The following ITGA8 variants were observed in gnomAD, a reference collection of about 807,000 sequenced individuals.
ITGA8 encodes integrin subunit alpha 8, also known as integrin alpha-8.
A neutral mutation model predicts 142.3 loss-of-function variants in ITGA8; 91 were observed. The observed-to-expected ratio is 0.64, with a 90% CI of 0.54 to 0.76. The LOEUF (loss-of-function observed/expected upper bound fraction) is 0.76. ITGA8 is among the 30% of genes least tolerant of loss of function. The pLI is 0.00. For missense variants in ITGA8, 1,406 were observed against 1,327.7 expected (o/e 1.06, Z -0.92); for synonymous variants, 505 against 485.2 (o/e 1.04, Z -0.54).
chr10:15,694,594 G>A (rs1187431210), intron 2 of ITGA8, among the ~76,000 whole-genome samples: 3 of 120,978 alleles, frequency 2.5e-5, no homozygotes, highest in Admixed American at 9.5e-5. Context: ...TATATAAAAT[G>A]GATATATAAT....
chr10:15,573,631 CT>C (rs923505835), intron 24 of ITGA8, among the ~76,000 whole-genome samples: 3 of 152,050 alleles, frequency 2.0e-5, no homozygotes, highest in African/African-American at 4.8e-5. Context: ...CAGTTCATCA[CT>C]TTTGAAAAGG....
chr10:15,598,377 A>C (rs1471448103), intron 20 of ITGA8, among the ~76,000 whole-genome samples: 1 of 152,088 alleles, frequency 6.6e-6, no homozygotes, highest in Middle Eastern at 3.2e-3. Flanking sequence ...TATCTATTGA[A>C]ATTTTAGGTA....
At chr10:15,675,352 A>G (rs1167884021) in intron 6 of ITGA8, among the ~76,000 whole-genome samples, 2 of 152,164 alleles carry the variant, frequency 1.3e-5, no homozygotes, top group African/African-American at 2.4e-5. Flanking sequence ...ACCTACAGCC[A>G]TTCAGTAGCA....
intron 11 of ITGA8, among the ~76,000 whole-genome samples, chr10:15,647,280 A>T (rs571515941): frequency 1.3e-5 from 2 of 152,198 alleles, no homozygotes; most frequent in Non-Finnish European, 2.9e-5. Flanking sequence ...TATGTTAAAA[A>T]TGCTACTTTA....
intron 13 of ITGA8, among the ~76,000 whole-genome samples, chr10:15,633,327 G>T (rs1173475885): frequency 6.6e-6 from 1 of 152,086 alleles, no homozygotes; most frequent in Non-Finnish European, 1.5e-5. Context: ...AGAAGGTATG[G>T]TTAAAAAATT....
chr10:15,699,600 T>C (rs1030668688), intron 2 of ITGA8, among the ~76,000 whole-genome samples: 1 of 152,206 alleles, frequency 6.6e-6, no homozygotes, highest in Non-Finnish European at 1.5e-5. Flanking sequence ...TGGGTTTTTT[T>C]CCAGTTTTCC....
Position 15,703,671 on chromosome 10 carries a change from C to T in ITGA8, c.343+15095G>A, listed in dbSNP as rs560802417. ...TTGTACTGACTGAGACAACGTTGAC[C>T]TCATCTTCTGCAACTGACTTCACTA... is the stretch of plus-strand genomic sequence containing the variant. On this transcript the variant is annotated intron_variant, in intron 2 of 29. Transcript: ENST00000378076. Among the ~76,000 whole-genome samples, 37 of 152,194 alleles carry T rather than the reference C, an allele frequency of 2.4e-4. 1 individual carries two copies. The South Asian group carries it at 7.5e-3, about 31-fold the overall frequency.
rs200552166 is a variant in ITGA8, at chr10:15,519,283, A to G, written c.3105+7T>C. ...GTTTAAAAGGAAAACAAAGTAAATC[A>G]ACTTACCTTCCATAAAGCTAAGGTT... On this transcript the variant is annotated splice_region_variant and intron_variant, in intron 29 of 29. Coordinates refer to ENST00000378076, the MANE Select transcript of ITGA8 (RefSeq NM_003638.3). 26 of 1,613,278 alleles carry G rather than the reference A, an allele frequency of 1.6e-5. No individual in the cohort carries two copies. In the East Asian group the frequency reaches 2.7e-4, roughly 17 times the overall value.
At chr10:15,590,812 A>C (rs1429603616) in intron 22 of ITGA8, among the ~76,000 whole-genome samples, 4 of 152,224 alleles carry the variant, frequency 2.6e-5, no homozygotes, top group Non-Finnish European at 5.9e-5. Context: ...TCCCATCACT[A>C]AATTTTATCC....
intron 10 of ITGA8, among the ~76,000 whole-genome samples, chr10:15,656,113 A>G (rs73603070): frequency 0.017 from 2,649 of 152,246 alleles, 79 homozygotes; most frequent in African/African-American, 0.06. Context: ...TTGGTTCACC[A>G]TCCAAACTCT....
chr10:15,719,450 A>T, intron 1 of ITGA8, 113 bp downstream of exon 1: 5 of 899,016 alleles, frequency 5.6e-6, no homozygotes, highest in Non-Finnish European at 8.0e-6. Flanking sequence ...GACCCCGGGC[A>T]GGCGGCAGGA....
At chr10:15,537,534 T>C (rs144888206) in intron 27 of ITGA8, among the ~76,000 whole-genome samples, 412 of 152,244 alleles carry the variant, frequency 2.7e-3, no homozygotes, top group Non-Finnish European at 5.0e-3. Flanking sequence ...ATTGACTTTT[T>C]GCAGACACCG....
chr10:15,646,418 AGT>A (rs1833981484), intron 12 of ITGA8, among the ~76,000 whole-genome samples: 1 of 152,192 alleles, frequency 6.6e-6, no homozygotes, highest in Non-Finnish European at 1.5e-5. Context: ...TTCAAAATGT[AGT>A]AACACCCTCA....
intron 2 of ITGA8, among the ~76,000 whole-genome samples, chr10:15,689,898 C>T (rs990676801): frequency 6.6e-5 from 10 of 152,186 alleles, no homozygotes; most frequent in Non-Finnish European, 1.0e-4. Context: ...GAATCCAAAC[C>T]CACAGAGGAG....
rs200922550 is a variant in ITGA8, at chr10:15,662,326, C to CTTTTTTT, written c.848-1411_848-1405dup. 3.5e-3 allele frequency among the ~76,000 whole-genome samples: 254 copies of CTTTTTTT among 72,696 alleles called. 17 individuals carry two copies. Among genetic ancestry groups the CTTTTTTT allele is most frequent in the Non-Finnish European group, 4.3e-3 (175 of 41,002 alleles). The allele number at this position is 72,696 out of a possible 152,430, so 47.7% of individuals were successfully genotyped here. On this transcript the variant is annotated intron_variant, in intron 8 of 29. Transcript: ENST00000378076. Reference sequence around the variant, plus strand: ...CTCAAGGTGAAATCTTCAGAAGGTCCTTTTTTTTTTTTTTTTTTTTTTTTT... The same window carrying CTTTTTTT: ...CTCAAGGTGAAATCTTCAGAAGGTCCTTTTTTTTTTTTTTTTTTTTTTTTTTTTTTTT...
In ITGA8 at chr10:15,634,017, T is replaced by C. The variant is rs369477200; in HGVS notation, c.1399+10013A>G. On this transcript the variant is annotated intron_variant, in intron 13 of 29. Transcript: ENST00000378076. The stretch of plus-strand genomic sequence containing the variant: ...CTGTGGCAAGAACACACTTGACACA[T>C]GTAATCTCAGGGTCTTTGCTCATGC... Among the ~76,000 whole-genome samples the C allele has an allele frequency of 6.6e-5, 10 of 152,326 alleles. No individual in the cohort carries two copies. The East Asian group carries it at 1.4e-3, about 21-fold the overall frequency.
intron 14 of ITGA8, 57 bp downstream of exon 14, chr10:15,616,457 A>G: frequency 7.7e-7 from 1 of 1,302,532 alleles, no homozygotes; most frequent in Non-Finnish European, 1.1e-6. Flanking sequence ...GGCAGAACTA[A>G]CAAGAAAATG....
In ITGA8 at chr10:15,608,300, ATAG is replaced by A. The variant is rs2131611514; in HGVS notation, c.1554-13_1554-11del. 1 of 1,565,718 alleles carries A rather than the reference ATAG, an allele frequency of 6.4e-7. No homozygotes were observed. Among genetic ancestry groups the A allele is most frequent in the East Asian group, 2.3e-5 (1 of 44,440 alleles). On this transcript the variant is annotated splice_polypyrimidine_tract_variant and intron_variant, in intron 15 of 29. Coordinates refer to ENST00000378076, the MANE Select transcript of ITGA8 (RefSeq NM_003638.3). ...TACTCTTAAAGAAAAGCTATAGAAA[ATAG>A]TAGTAATTTATTGGTTAATAAAGTT...
intron 14 of ITGA8, among the ~76,000 whole-genome samples, 154 bp from the exon 15 acceptor site, chr10:15,613,921 C>A (rs1433239090): frequency 6.6e-6 from 1 of 152,198 alleles, no homozygotes; most frequent in Non-Finnish European, 1.5e-5. Flanking sequence ...ATTTTGCTCA[C>A]TGCATGAACA....
Sources: allele counts gnomAD v4.1 joint callset (sites outside exome capture counted in the v4.1 genomes callset), GRCh38; gene constraint gnomAD v4.1.1; transcripts MANE v1.5; gene names NCBI Gene and HGNC (gene_info 2026-07-23, HGNC 2026-07-21).